CDH18: variants seen among roughly 807,000 people sequenced by gnomAD.
CDH18 encodes cadherin-18.
Under a neutral mutation model 67.9 loss-of-function variants are expected in CDH18, and 31 were observed. That is an observed-to-expected ratio of 0.46 (90% CI 0.34 to 0.62). The LOEUF is 0.62. Ranked by LOEUF, CDH18 falls within the 20% of genes least tolerant of loss-of-function variation. The pLI is 0.01. For missense variants in CDH18, 890 were observed against 975.5 expected, an observed-to-expected ratio of 0.91 and a Z score of 1.17; for synonymous variants, 362 against 347.2, an observed-to-expected ratio of 1.04 and a Z score of -0.48.
intron 1 of CDH18, among the ~76,000 whole-genome samples, chr5:20,413,382 A>G (rs1040781722): frequency 1.3e-5 from 2 of 152,198 alleles, no homozygotes; most frequent in African/African-American, 2.4e-5. Context: ...TTGAGGAATT[A>G]CCACACTGTC....
intron 2 of CDH18, among the ~76,000 whole-genome samples, chr5:20,049,118 G>T (rs368544159): frequency 1.3e-4 from 20 of 151,762 alleles, no homozygotes; most frequent in South Asian, 4.2e-4. Flanking sequence ...CTAAATGGTA[G>T]AGTATAAGAG....
chr5:19,637,764 C>A (rs1753373862), intron 5 of CDH18, among the ~76,000 whole-genome samples: 1 of 152,068 alleles, frequency 6.6e-6, no homozygotes, highest in South Asian at 2.1e-4. Flanking sequence ...ATCCAGTGAC[C>A]TCTTGCTTTT....
chr5:20,490,257 T>C (rs937580070), intron 1 of CDH18, among the ~76,000 whole-genome samples: 3 of 152,068 alleles, frequency 2.0e-5, no homozygotes, highest in Admixed American at 1.3e-4. Flanking sequence ...TAGTGTGTCA[T>C]TTTTAGAGAC....
At chr5:20,527,808 A>G (rs1756159468) in intron 1 of CDH18, among the ~76,000 whole-genome samples, 1 of 152,122 alleles carries the variant, frequency 6.6e-6, no homozygotes, top group Non-Finnish European at 1.5e-5. Flanking sequence ...ACAAAAACAC[A>G]GTGAAGTACA....
At chr5:19,556,413 A>T (rs964922480) in intron 8 of CDH18, among the ~76,000 whole-genome samples, 4 of 152,196 alleles carry the variant, frequency 2.6e-5, no homozygotes, top group African/African-American at 9.6e-5. Flanking sequence ...CAGTGAATAG[A>T]CGGCATAAAT....
chr5:20,223,769 T>C (rs1372833909), intron 2 of CDH18, among the ~76,000 whole-genome samples: 1 of 152,062 alleles, frequency 6.6e-6, no homozygotes, highest in East Asian at 1.9e-4. Flanking sequence ...AAAGGGTAGT[T>C]CCCCTTTGTG....
Position 20,078,747 on chromosome 5 carries a change from C to A in CDH18, c.-517-86733G>T, listed in dbSNP as rs1453946283. On this transcript the variant is annotated intron_variant, in intron 2 of 14. Transcript: ENST00000507958. ...CCTCTCAAGTAGCTGGGACTACAGG[C>A]TCCTGCCACCACGCCCAGCTAATAT... Among the ~76,000 whole-genome samples the A allele has an allele frequency of 2.0e-5, 3 of 151,844 alleles. No homozygotes were observed. The East Asian group carries it at 5.9e-4, about 30-fold the overall frequency.
Position 19,605,707 on chromosome 5 carries a change from T to TGGATGAAACCAGGA in CDH18, c.811+6726_811+6727insTCCTGGTTTCATCC, listed in dbSNP as rs1747930292. Among the ~76,000 whole-genome samples the TGGATGAAACCAGGA allele has an allele frequency of 3.3e-5, 5 of 152,154 alleles. No homozygotes were observed. In the South Asian group the frequency reaches 1.0e-3, roughly 32 times the overall value. On this transcript the variant is annotated intron_variant, in intron 6 of 12. Coordinates refer to ENST00000382275, the MANE Select transcript of CDH18 (RefSeq NM_004934.5). ...GGGAACTCAGGATGGAGTATGATTC[T>TGGATGAAACCAGGA]TGAGAGAAAGAAACCATAACAAAAC...
rs767065196 is a variant in CDH18 at position 19,722,539 on chromosome 5, G to A, written c.524-1073C>T. 9.4e-5 allele frequency among the ~76,000 whole-genome samples: 14 copies of A among 149,652 alleles called. No individual in the cohort carries two copies. In the East Asian group the frequency reaches 2.0e-3, roughly 21 times the overall value. On this transcript the variant is annotated intron_variant, in intron 4 of 12. Transcript: ENST00000382275. ...TCTTTGTGCTTACTTTTTAAAACACGATTTGCATAATTAGATACACCTATA... is the reference window on the plus strand; with the variant it reads ...TCTTTGTGCTTACTTTTTAAAACACAATTTGCATAATTAGATACACCTATA...
chr5:19,599,580 A>G (rs1746722312), intron 6 of CDH18, among the ~76,000 whole-genome samples: 1 of 152,118 alleles, frequency 6.6e-6, no homozygotes, highest in South Asian at 2.1e-4. Context: ...ATTTCATCTG[A>G]TTTGTGTAGC....
At chr5:20,406,469 C>T (rs952194332) in intron 1 of CDH18, among the ~76,000 whole-genome samples, 2 of 151,842 alleles carry the variant, frequency 1.3e-5, no homozygotes, top group Non-Finnish European at 2.9e-5. Flanking sequence ...GGAAATATAC[C>T]TAATGTAAAT....
intron 2 of CDH18, among the ~76,000 whole-genome samples, chr5:20,041,965 T>A (rs1470116694): frequency 2.0e-5 from 3 of 152,228 alleles, no homozygotes; most frequent in Non-Finnish European, 2.9e-5. Context: ...GAAAAATATA[T>A]GCTTTATGGA....
Position 20,219,485 on chromosome 5 carries a change from G to A in CDH18, c.-518+35959C>T, listed in dbSNP as rs59977087. Among the ~76,000 whole-genome samples the A allele has an allele frequency of 3.4e-3, 496 of 147,942 alleles. 3 individuals are homozygous for A. The highest frequency in any genetic ancestry group is 0.012 in the African/African-American group (471 of 39,946). On this transcript the variant is annotated intron_variant, in intron 2 of 14. Coordinates refer to the CDH18 transcript ENST00000507958. The stretch of plus-strand genomic sequence containing the variant: ...CTTCCAAACTTATTGTATGAGGCTA[G>A]TTTTACCCTGATACTAAAACTAAAG...
intron 5 of CDH18, among the ~76,000 whole-genome samples, chr5:19,649,706 T>TA (rs1425962454): frequency 8.5e-5 from 13 of 152,112 alleles, no homozygotes; most frequent in Admixed American, 2.0e-4. Context: ...GGTCTCATCA[T>TA]AAAAAATAGG....
rs377370626 is a variant in CDH18 at position 20,179,170 on chromosome 5, T to C, written c.-518+76274A>G. Among the ~76,000 whole-genome samples the C allele has an allele frequency of 3.3e-3, 495 of 152,274 alleles. 7 individuals are homozygous for C. The highest frequency in any genetic ancestry group is 0.026 in the South Asian group (124 of 4,824). On this transcript the variant is annotated intron_variant, in intron 2 of 14. Coordinates refer to the CDH18 transcript ENST00000507958. ...CAAAATAATAATATTAAGAAAAACATTGGCAACAGCCTACATTTACTGAGC... is the reference window on the plus strand; with the variant it reads ...CAAAATAATAATATTAAGAAAAACACTGGCAACAGCCTACATTTACTGAGC...
At chr5:20,502,309 T>C (rs1167467021) in intron 1 of CDH18, among the ~76,000 whole-genome samples, 2 of 152,196 alleles carry the variant, frequency 1.3e-5, no homozygotes, top group African/African-American at 2.4e-5. Context: ...TGTGAAAATA[T>C]GAGTAAGAGA....
intron 5 of CDH18, among the ~76,000 whole-genome samples, chr5:19,627,834 C>A (rs1210679320): frequency 6.6e-6 from 1 of 152,110 alleles, no homozygotes; most frequent in African/African-American, 2.4e-5. Context: ...CAGGTACATT[C>A]ATGGGACCAG....
intron 3 of CDH18, among the ~76,000 whole-genome samples, chr5:19,786,282 T>G (rs1393469373): frequency 6.6e-6 from 1 of 152,188 alleles, no homozygotes; most frequent in Non-Finnish European, 1.5e-5. Flanking sequence ...TGGTTTTGTA[T>G]TTCAGTAAAG....
chr5:19,944,234 A>C (rs1011665533), intron 2 of CDH18, among the ~76,000 whole-genome samples: 2 of 152,208 alleles, frequency 1.3e-5, no homozygotes, highest in South Asian at 2.1e-4. Flanking sequence ...TTTTACCTGA[A>C]GTTTTAACTG....
Sources: gnomAD v4.1 joint callset for allele counts (sites outside exome capture counted in the v4.1 genomes callset) on GRCh38, gnomAD v4.1.1 for gene constraint, MANE v1.5 for transcripts, NCBI Gene and HGNC (gene_info 2026-07-23, HGNC 2026-07-21) for gene names.